SLC2A9: variants seen among roughly 807,000 people sequenced by gnomAD.
SLC2A9 encodes the protein solute carrier family 2 member 9.
A neutral mutation model predicts 50.6 loss-of-function variants in SLC2A9; 39 were observed. The observed-to-expected ratio is 0.77, with a 90% CI of 0.60 to 1.01. The LOEUF (loss-of-function observed/expected upper bound fraction) is 1.01. Among genes scored for constraint, SLC2A9 ranks in the 50% least tolerant of loss-of-function variants. The pLI is 0.00. For missense variants in SLC2A9, 686 were observed against 677.6 expected (o/e 1.01, Z -0.14); for synonymous variants, 324 against 276.9 (o/e 1.17, Z -1.69).
At chr4:9,822,501 C>T (rs144077631), downstream of SLC2A9, among the ~76,000 whole-genome samples, 94 of 152,156 alleles carry the variant, frequency 6.2e-4, no homozygotes, top group African/African-American at 2.0e-3. Context: ...TATTAATATG[C>T]CAGCTTTCTT....
At chr4:9,814,139 C>CA (rs1233256240) in intron 3 of SLC2A9, among the ~76,000 whole-genome samples, 1 of 151,658 alleles carries the variant, frequency 6.6e-6, no homozygotes, top group East Asian at 1.9e-4. Context: ...GACTCCATCG[C>CA]AAAAATGAAA....
chr4:9,890,652 C>T lies in SLC2A9; in HGVS notation c.1173G>A (p.Met391Ile), dbSNP rs1183123584. The change falls in exon 9 of 12, where the codon ATG becomes ATA. Residue 391 changes from methionine to isoleucine, a missense_variant. By Grantham distance (10) the Met-to-Ile change is conservative. Coordinates refer to ENST00000264784, the MANE Select transcript of SLC2A9 (RefSeq NM_020041.3). The stretch of plus-strand genomic sequence containing the variant: ...TGGTGAGGGTCCCAAAGAAGAGGCC[C>T]ATGAGCCCAAAGCCACCAATGAGGA... ...RPLLIGGFGL[M>I]GLFFGTLTIT... 1 of 1,614,164 alleles carries T rather than the reference C, an allele frequency of 6.2e-7. No individual in the cohort carries two copies. The highest frequency in any genetic ancestry group is 1.3e-5 in the African/African-American group (1 of 75,052).
At chr4:9,827,761 C>T (rs1032235662) in intron 11 of SLC2A9, among the ~76,000 whole-genome samples, 17 of 152,182 alleles carry the variant, frequency 1.1e-4, no homozygotes, top group African/African-American at 3.1e-4. Flanking sequence ...GCTCTTGAGA[C>T]TGTGCCTTCT....
intron 1 of SLC2A9, among the ~76,000 whole-genome samples, chr4:10,039,734 C>T (rs536374704): frequency 1.3e-5 from 2 of 152,212 alleles, no homozygotes; most frequent in Non-Finnish European, 2.9e-5. Context: ...GGCCCATCTC[C>T]ACTCTCCAGT....
At chr4:9,898,290 A>G (rs1738940302) in intron 8 of SLC2A9, among the ~76,000 whole-genome samples, 1 of 152,232 alleles carries the variant, frequency 6.6e-6, no homozygotes, top group South Asian at 2.1e-4. Context: ...AAATATGTAC[A>G]ACTATTATAT....
At position 9,985,225 on chromosome 4, in the gene SLC2A9, G is replaced by C. The variant is rs890040819; in HGVS notation, c.535+444C>G. 2.0e-5 allele frequency among the ~76,000 whole-genome samples: 3 copies of C among 152,176 alleles called. No homozygotes were observed. The East Asian group carries it at 5.8e-4, about 29-fold the overall frequency. ...CAGGGACAGGGTCTTGTTAATCATT[G>C]TGTCTCCATCCTATAGTGTGCCAGC... is the stretch of plus-strand genomic sequence containing the variant. On this transcript the variant is annotated intron_variant, in intron 4 of 11. Coordinates refer to ENST00000264784, the MANE Select transcript of SLC2A9 (RefSeq NM_020041.3).
intron 10 of SLC2A9, chr4:9,880,355 G>A (rs1441191794): frequency 1.3e-5 from 13 of 985,524 alleles, no homozygotes; most frequent in Non-Finnish European, 1.6e-5. Context: ...GCGGAGGGCA[G>A]GGGCTGACAG....
At chr4:9,837,255 G>A (rs1727254274) in intron 10 of SLC2A9, among the ~76,000 whole-genome samples, 1 of 152,148 alleles carries the variant, frequency 6.6e-6, no homozygotes, top group Non-Finnish European at 1.5e-5. Context: ...AAAAATATTA[G>A]ACTCTATATC....
chr4:9,888,189 G>A (rs968145738), intron 9 of SLC2A9, among the ~76,000 whole-genome samples: 6 of 151,418 alleles, frequency 4.0e-5, no homozygotes, highest in African/African-American at 1.5e-4. Context: ...GATGGGTGCA[G>A]CCAACCACCA....
chr4:9,879,102 T>C (rs982715786), intron 10 of SLC2A9: 7 of 984,562 alleles, frequency 7.1e-6, no homozygotes, highest in East Asian at 1.1e-4. Flanking sequence ...ACAAGGTTCT[T>C]GTCTTTGAAG....
chr4:9,860,743 A>G (rs148662327), intron 10 of SLC2A9, among the ~76,000 whole-genome samples: 105 of 152,332 alleles, frequency 6.9e-4, no homozygotes, highest in East Asian at 6.2e-3. Flanking sequence ...GAGCCCAAAT[A>G]TGAGTATCGA....
chr4:9,874,906 G>T (rs1171056357), intron 10 of SLC2A9, among the ~76,000 whole-genome samples: 2 of 147,702 alleles, frequency 1.4e-5, no homozygotes, highest in Admixed American at 6.7e-5. Context: ...GTCTGTCTAA[G>T]ATGGGATGCT....
At chr4:9,821,915 T>C (rs1360603807), downstream of SLC2A9, among the ~76,000 whole-genome samples, 1 of 152,224 alleles carries the variant, frequency 6.6e-6, no homozygotes, top group Non-Finnish European at 1.5e-5. Context: ...TTTAAGTGAA[T>C]ATGGGACTAT....
chr4:9,782,124 G>A (rs768309664), intron 3 of SLC2A9: 8 of 1,550,110 alleles, frequency 5.2e-6, no homozygotes, highest in Admixed American at 1.9e-5. Flanking sequence ...GGCTCGGCGG[G>A]GGCACCGCCA....
Position 10,000,082 on chromosome 4 carries a change from G to A in SLC2A9, c.250-3141C>T, listed in dbSNP as rs972640325. On this transcript the variant is annotated intron_variant, in intron 2 of 11. Transcript: ENST00000264784. ...AGGAGGGGAGACACCCTCTGCTTGC[G>A]AGGTATTTATCTTCTTTCTGTTTTC... 4.0e-5 allele frequency among the ~76,000 whole-genome samples: 6 copies of A among 151,674 alleles called. No homozygotes were observed. The South Asian group carries it at 6.3e-4, about 16-fold the overall frequency.
At chr4:10,021,013 C>G (rs949318450) in intron 1 of SLC2A9, among the ~76,000 whole-genome samples, 13 of 152,360 alleles carry the variant, frequency 8.5e-5, no homozygotes, top group African/African-American at 2.9e-4. Context: ...AAGTGCGGGG[C>G]AGGGCAGCCT....
chr4:9,953,769 T>A (rs1007270585), intron 5 of SLC2A9, among the ~76,000 whole-genome samples: 1 of 151,204 alleles, frequency 6.6e-6, no homozygotes, highest in South Asian at 2.1e-4. Context: ...ATGGCAGGCA[T>A]GCACTACCGT....
intron 7 of SLC2A9, among the ~76,000 whole-genome samples, chr4:9,919,238 G>T (rs1003749293): frequency 6.6e-6 from 1 of 152,124 alleles, no homozygotes; most frequent in Non-Finnish European, 1.5e-5. Flanking sequence ...ACTCTCCCAG[G>T]ATCACTCAGT....
At chr4:10,019,320 C>T (rs1408951406) in intron 1 of SLC2A9, 2 of 558,802 alleles carry the variant, frequency 3.6e-6, no homozygotes, top group South Asian at 2.2e-5. Flanking sequence ...TTCCGGGTTG[C>T]GTGAGGATTC....
Sources: gnomAD v4.1 joint callset for allele counts (sites outside exome capture counted in the v4.1 genomes callset) on GRCh38, gnomAD v4.1.1 for gene constraint, MANE v1.5 for transcripts, NCBI Gene and HGNC (gene_info 2026-07-23, HGNC 2026-07-21) for gene names.